The following CIMAP3 variants were observed in gnomAD, a reference collection of about 807,000 sequenced individuals.
CIMAP3 encodes ciliary microtubule-associated protein 3.
chr1:111,346,802 C>CG, the CIMAP3 span: 1 of 1,567,970 alleles, frequency 6.4e-7, no homozygotes, highest in Non-Finnish European at 8.8e-7. Context: ...TGTAAGCGCA[C>CG]GGTTGGGCCC....
At chr1:111,345,230 A>T in the CIMAP3 span, among the ~76,000 whole-genome samples, 2 of 152,220 alleles carry the variant, frequency 1.3e-5, no homozygotes, top group Non-Finnish European at 2.9e-5. Context: ...TTGCAATTGT[A>T]TTTTAAGTAG....
chr1:111,336,245 TG>T, the CIMAP3 span, among the ~76,000 whole-genome samples: 1 of 151,776 alleles, frequency 6.6e-6, no homozygotes, highest in South Asian at 2.1e-4. Context: ...ACCACAAAGA[TG>T]GGGAAAAAAC....
At chr1:111,348,669 C>A in the CIMAP3 span, 1 of 1,543,284 alleles carries the variant, frequency 6.5e-7, no homozygotes, top group Non-Finnish European at 8.7e-7. Flanking sequence ...CCTTTTGGTG[C>A]ACTTCAACAA....
chr1:111,325,269 T>C, the CIMAP3 span, among the ~76,000 whole-genome samples: 2 of 152,228 alleles, frequency 1.3e-5, no homozygotes, highest in Non-Finnish European at 2.9e-5. Flanking sequence ...AAAGAAATGA[T>C]TCATGCCATT....
the CIMAP3 span, among the ~76,000 whole-genome samples, chr1:111,341,212 TG>T: frequency 2.3e-4 from 8 of 34,832 alleles, no homozygotes; most frequent in African/African-American, 7.6e-4. Context: ...TGTTGTGGGG[TG>T]GGGGGAAGGG....
the CIMAP3 span, among the ~76,000 whole-genome samples, chr1:111,346,011 C>A: frequency 6.6e-6 from 1 of 151,878 alleles, no homozygotes. Flanking sequence ...ACTGCCCCAA[C>A]TTCTAAAAAA....
chr1:111,346,817 C>T, the CIMAP3 span: 4 of 1,579,176 alleles, frequency 2.5e-6, no homozygotes, highest in South Asian at 3.4e-5. Context: ...GGGCCCTGTC[C>T]TCTGCTCAGT....
the CIMAP3 span, among the ~76,000 whole-genome samples, chr1:111,345,105 T>C: frequency 6.6e-6 from 1 of 152,218 alleles, no homozygotes; most frequent in Non-Finnish European, 1.5e-5. Flanking sequence ...GTGTTAAATA[T>C]AGTCTATGAC....
At chr1:111,347,323 C>T in the CIMAP3 span, among the ~76,000 whole-genome samples, 1 of 152,200 alleles carries the variant, frequency 6.6e-6, no homozygotes. Context: ...TGAGCCAGTG[C>T]CAGTTACCCT....
At chr1:111,331,679 T>TG in the CIMAP3 span, among the ~76,000 whole-genome samples, 54 of 151,718 alleles carry the variant, frequency 3.6e-4, no homozygotes, top group South Asian at 2.1e-3. Flanking sequence ...AATTCTTTTT[T>TG]GGGGGGGGCA....
chr1:111,347,665 C>A, the CIMAP3 span: 4 of 1,493,406 alleles, frequency 2.7e-6, no homozygotes, highest in Non-Finnish European at 2.7e-6. Context: ...TTTAATATAC[C>A]ACCCAAAGGG....
At chr1:111,346,506 C>A in the CIMAP3 span, 1 of 1,249,764 alleles carries the variant, frequency 8.0e-7, no homozygotes, top group Non-Finnish European at 1.1e-6. Context: ...GTTCCTGCCC[C>A]AGTAGTGGCT....
the CIMAP3 span, chr1:111,347,641 G>GT: frequency 5.6e-6 from 6 of 1,071,588 alleles, no homozygotes; most frequent in Non-Finnish European, 7.7e-6. Context: ...TTTTTTTGGT[G>GT]TTTTTGTTTG....
the CIMAP3 span, among the ~76,000 whole-genome samples, chr1:111,347,376 G>T: frequency 6.6e-6 from 1 of 152,150 alleles, no homozygotes; most frequent in Admixed American, 6.5e-5. Flanking sequence ...ATTAGAGTAA[G>T]TTCAGCTCTG....
chr1:111,350,289 C>A, the CIMAP3 span: 2 of 1,260,322 alleles, frequency 1.6e-6, no homozygotes, highest in Non-Finnish European at 1.1e-6. Flanking sequence ...GTATTAGGGA[C>A]TCTTAATTAG....
the CIMAP3 span, among the ~76,000 whole-genome samples, chr1:111,335,694 C>T: frequency 8.6e-3 from 1,315 of 152,332 alleles, 18 homozygotes; most frequent in African/African-American, 0.03. Flanking sequence ...CAAAGCAGTC[C>T]GGAAGCTCGA....
the CIMAP3 span, chr1:111,346,514 G>GCGTC: frequency 5.1e-6 from 7 of 1,362,278 alleles, no homozygotes; most frequent in Non-Finnish European, 7.0e-6. Context: ...CCCAGTAGTG[G>GCGTC]CTCGGTGGAC....
the CIMAP3 span, chr1:111,346,987 G>C: frequency 2.9e-5 from 47 of 1,613,870 alleles, no homozygotes; most frequent in Admixed American, 7.8e-4. Flanking sequence ...GAATTTGATT[G>C]GGAACAAGTT....
At chr1:111,339,448 A>G in the CIMAP3 span, among the ~76,000 whole-genome samples, 3 of 150,510 alleles carry the variant, frequency 2.0e-5, no homozygotes, top group South Asian at 2.1e-4. Flanking sequence ...TTGTATATCT[A>G]GAAAACCCCA....
Sources: allele counts gnomAD v4.1 joint callset (sites outside exome capture counted in the v4.1 genomes callset), GRCh38; gene constraint gnomAD v4.1.1; transcripts MANE v1.5; gene names NCBI Gene and HGNC (gene_info 2026-07-23, HGNC 2026-07-21).